Variants in CPNE3 observed in about 807,000 individuals in gnomAD.
The protein encoded by CPNE3 is copine-3.
Under a neutral mutation model 63.9 loss-of-function variants are expected in CPNE3, and 68 were observed. The ratio of observed to expected loss-of-function variants is 1.06; its 90% CI spans 0.87 to 1.30. The LOEUF is 1.30. Among genes scored for constraint, CPNE3 ranks in the 50% most tolerant of loss-of-function variants. CPNE3 has a pLI of 0.00. For synonymous variants in CPNE3, 219 were observed against 197.5 expected, an observed-to-expected ratio of 1.11 and a Z score of -0.91; for missense variants, 665 against 578.1, an observed-to-expected ratio of 1.15 and a Z score of -1.54.
chr8:86,553,590 T>G (rs1051476093), intron 14 of CPNE3, among the ~76,000 whole-genome samples: 2 of 152,202 alleles, frequency 1.3e-5, no homozygotes, highest in African/African-American at 4.8e-5. Context: ...GTAAGTATAC[T>G]CTATGATGTT....
intron 2 of CPNE3, among the ~76,000 whole-genome samples, chr8:86,515,782 A>G (rs575776953): frequency 1.3e-5 from 2 of 152,328 alleles, no homozygotes; most frequent in Admixed American, 1.3e-4. Context: ...ACACGTAGTT[A>G]GTGGTAAGCT....
At chr8:86,521,583 A>G (rs186703094) in intron 2 of CPNE3, 1 of 152,258 alleles carries the variant, frequency 6.6e-6, no homozygotes, top group African/African-American at 2.4e-5. Context: ...TATTTTTACT[A>G]ATACTATTTT....
chr8:86,533,379 C>T (rs184499436), intron 6 of CPNE3, among the ~76,000 whole-genome samples: 1 of 151,588 alleles, frequency 6.6e-6, no homozygotes, highest in Admixed American at 6.6e-5. Context: ...CCCATCTCTA[C>T]AAAAAATACA....
chr8:86,522,058 T>C (rs1417434138), intron 2 of CPNE3, among the ~76,000 whole-genome samples: 2 of 152,198 alleles, frequency 1.3e-5, no homozygotes, highest in Admixed American at 6.5e-5. Context: ...ACTTTCTTAC[T>C]GTCTACCCTT....
At chr8:86,519,626 T>A (rs1359174185) in intron 2 of CPNE3, among the ~76,000 whole-genome samples, 1 of 152,264 alleles carries the variant, frequency 6.6e-6, no homozygotes, top group African/African-American at 2.4e-5. Context: ...GTTTGTTTAT[T>A]TAAGTCATCT....
Position 86,552,631 on chromosome 8 carries a change from T to C in CPNE3, c.1120+1397T>C, listed in dbSNP as rs182872536. 2.2e-3 allele frequency among the ~76,000 whole-genome samples: 328 copies of C among 151,880 alleles called. 1 individual carries two copies. Among genetic ancestry groups the C allele is most frequent in the African/African-American group, 7.4e-3 (307 of 41,404 alleles). On this transcript the variant is annotated intron_variant, in intron 14 of 16. Coordinates refer to ENST00000517490, the MANE Select transcript of CPNE3 (RefSeq NM_003909.5). ...TTGGTTTTAAACAAAGGAGATACTA[T>C]ACAGCAAAAAGCTCAGAGCCTTATT...
chr8:86,532,714 G>A (rs1281400754), intron 6 of CPNE3, 134 bp downstream of exon 6: 1 of 566,230 alleles, frequency 1.8e-6, no homozygotes, highest in Non-Finnish European at 3.1e-6. Context: ...AATTTTGCAT[G>A]TGTGTGTGTG....
At chr8:86,534,302 C>T (rs1199868762) in intron 6 of CPNE3, among the ~76,000 whole-genome samples, 1 of 152,120 alleles carries the variant, frequency 6.6e-6, no homozygotes, top group Non-Finnish European at 1.5e-5. Flanking sequence ...GAGGCTCACA[C>T]TGACTTGTGT....
intron 2 of CPNE3, among the ~76,000 whole-genome samples, chr8:86,522,899 G>A (rs1820466202): frequency 6.6e-6 from 1 of 152,180 alleles, no homozygotes; most frequent in South Asian, 2.1e-4. Flanking sequence ...TTGAGTCACT[G>A]ACATGAGCCT....
At chr8:86,527,605 A>G (rs1293445649) in intron 2 of CPNE3, among the ~76,000 whole-genome samples, 1 of 152,176 alleles carries the variant, frequency 6.6e-6, no homozygotes, top group African/African-American at 2.4e-5. Context: ...TCAGGGTTGT[A>G]CCCTAAACCA....
At chr8:86,552,978 C>CCA (rs1821225466) in intron 14 of CPNE3, among the ~76,000 whole-genome samples, 1 of 58,364 alleles carries the variant, frequency 1.7e-5, no homozygotes, top group South Asian at 9.4e-4. Flanking sequence ...CCCCCCCCCC[C>CCA]GCCCACAACC....
Position 86,516,647 on chromosome 8 carries a change from C to T in CPNE3, c.-11+1148C>T, listed in dbSNP as rs572887688. Among the ~76,000 whole-genome samples the T allele has an allele frequency of 5.4e-3, 822 of 152,230 alleles. 4 individuals carry two copies. Among genetic ancestry groups the T allele is most frequent in the South Asian group, 0.01 (49 of 4,818 alleles). On this transcript the variant is annotated intron_variant, in intron 2 of 16. Coordinates refer to ENST00000517490, the MANE Select transcript of CPNE3 (RefSeq NM_003909.5). ...TCAAGTGATCCTCCTGCCTTGGCCT[C>T]CCAAAGTGCTGGGGTTACAGGTGTG...
chr8:86,538,409 G>T (rs1820854698), intron 7 of CPNE3, among the ~76,000 whole-genome samples: 1 of 152,108 alleles, frequency 6.6e-6, no homozygotes, highest in Non-Finnish European at 1.5e-5. Context: ...ACAGCAGGTA[G>T]TTTAAAGAAC....
At position 86,537,566 on chromosome 8, in the gene CPNE3, C is replaced by A. The variant is rs1820827830; in HGVS notation, c.463C>A (p.Leu155Ile). 3 of 1,586,604 alleles carry A rather than the reference C, an allele frequency of 1.9e-6. No individual in the cohort carries two copies. Among genetic ancestry groups the A allele is most frequent in the Admixed American group, 1.7e-5 (1 of 59,926 alleles). The change falls in exon 7 of 17, where the codon CTA (leucine) becomes ATA (isoleucine). Residue 155 changes from leucine (L) to isoleucine (I), a missense_variant. Leu to Ile is a conservative substitution (Grantham distance 5). Transcript: ENST00000517490. ...MEARKLDNKD[L>I]FGKSDPYLEF... ...TTGTTGTTTGTTTTAAATGTAGGAT[C>A]TATTTGGAAAGTCAGACCCATACCT...
chr8:86,552,837 A>ATTTTT (rs531932518), intron 14 of CPNE3, among the ~76,000 whole-genome samples: 3 of 116,478 alleles, frequency 2.6e-5, no homozygotes, highest in African/African-American at 9.3e-5. Flanking sequence ...ATTATTATTA[A>ATTTTT]TTTTTTTTTT....
intron 5 of CPNE3, among the ~76,000 whole-genome samples, chr8:86,532,245 A>G (rs1820698907): frequency 6.6e-6 from 1 of 152,194 alleles, no homozygotes; most frequent in African/African-American, 2.4e-5. Context: ...TTTCTCTTGA[A>G]TAGGGAAGAT....
rs1167075524 is a variant in CPNE3, at chr8:86,560,677, T to G, written c.*2267T>G. ...CATAAGAACTGTGATTCCAGCAAAC[T>G]AGGGTAATTGGTGCCTTTTTACAGT... On this transcript the variant is annotated 3_prime_UTR_variant, in exon 17 of 17. Coordinates refer to ENST00000517490, the MANE Select transcript of CPNE3 (RefSeq NM_003909.5). The G allele has an allele frequency of 2.6e-5, 4 of 152,228 alleles. No individual in the cohort carries two copies. The East Asian group carries it at 7.7e-4, about 29-fold the overall frequency. 9.4% of individuals were successfully genotyped at this position (152,228 alleles called of 1,614,324 possible).
intron 4 of CPNE3, among the ~76,000 whole-genome samples, chr8:86,530,170 C>CT (rs71275863): frequency 5.5e-4 from 68 of 122,608 alleles, no homozygotes; most frequent in South Asian, 4.0e-3. Context: ...AAATTGAATC[C>CT]TTTTTTTTTT....
intron 4 of CPNE3, among the ~76,000 whole-genome samples, chr8:86,529,740 A>G (rs1204310362): frequency 6.6e-6 from 1 of 152,180 alleles, no homozygotes. Context: ...TTTTGCTCCT[A>G]GGTTAATCTG....
Sources: gnomAD v4.1 joint callset for allele counts (sites outside exome capture counted in the v4.1 genomes callset) on GRCh38, gnomAD v4.1.1 for gene constraint, MANE v1.5 for transcripts, NCBI Gene and HGNC (gene_info 2026-07-23, HGNC 2026-07-21) for gene names.